THSD4: variants seen among roughly 807,000 people sequenced by gnomAD.
The protein encoded by THSD4 is thrombospondin type 1 domain containing 4, also known as thrombospondin type-1 domain-containing protein 4.
In THSD4, 69 loss-of-function variants were observed where a neutral mutation model predicts 119.0. The observed-to-expected ratio is 0.58, with a 90% CI of 0.48 to 0.71. THSD4 has a LOEUF of 0.71. Among genes scored for constraint, THSD4 ranks in the 30% least tolerant of loss-of-function variants. The pLI is 0.00. For synonymous variants in THSD4, 524 were observed against 540.4 expected (o/e 0.97, Z 0.42); for missense variants, 1,393 against 1,391.1 (o/e 1.00, Z -0.02).
chr15:71,268,338 A>G (rs983592042), intron 6 of THSD4, among the ~76,000 whole-genome samples: 1 of 152,184 alleles, frequency 6.6e-6, no homozygotes, highest in Non-Finnish European at 1.5e-5. Context: ...AAACTGAACA[A>G]CCTTCTCCTG....
At chr15:71,146,859 C>T (rs2040667428) in intron 2 of THSD4, among the ~76,000 whole-genome samples, 1 of 152,184 alleles carries the variant, frequency 6.6e-6, no homozygotes, top group East Asian at 1.9e-4. Context: ...TTTCTTTATG[C>T]CTGGCACAGC....
chr15:71,731,407 A>T, intron 10 of THSD4, 190 bp downstream of exon 10: 1 of 592,802 alleles, frequency 1.7e-6, no homozygotes. Flanking sequence ...CACTGATGAG[A>T]CTGTTTCATT....
chr15:71,419,309 C>T (rs1293215557), intron 7 of THSD4, among the ~76,000 whole-genome samples: 1 of 105,718 alleles, frequency 9.5e-6, no homozygotes, highest in South Asian at 3.0e-4. Flanking sequence ...TCAAGCAGTT[C>T]CCCCAGCTCA....
intron 7 of THSD4, among the ~76,000 whole-genome samples, chr15:71,638,146 G>A (rs2050786766): frequency 6.6e-6 from 1 of 152,330 alleles, no homozygotes; most frequent in Non-Finnish European, 1.5e-5. Context: ...CAAGCTTGGA[G>A]CCACAGTGAA....
At chr15:71,207,359 C>T (rs1045415821) in intron 3 of THSD4, among the ~76,000 whole-genome samples, 1 of 152,204 alleles carries the variant, frequency 6.6e-6, no homozygotes, top group Non-Finnish European at 1.5e-5. Flanking sequence ...TCTTTCTGCC[C>T]TGGGCTCGCT....
At chr15:71,726,359 C>T (rs767095855) in intron 8 of THSD4, among the ~76,000 whole-genome samples, 1 of 152,028 alleles carries the variant, frequency 6.6e-6, no homozygotes, top group African/African-American at 2.4e-5. Flanking sequence ...ATTGTAGGAA[C>T]GCGGCTGAAA....
intron 6 of THSD4, among the ~76,000 whole-genome samples, chr15:71,411,168 A>C (rs1443290382): frequency 6.6e-6 from 1 of 152,192 alleles, no homozygotes; most frequent in Non-Finnish European, 1.5e-5. Flanking sequence ...AAAGCGTGGG[A>C]GGATGTCTAA....
rs1375174935 is a variant in THSD4 at position 71,780,052 on chromosome 15, C to G, written c.*2678C>G. On this transcript the variant is annotated 3_prime_UTR_variant, in exon 18 of 18. Coordinates refer to ENST00000261862, the MANE Select transcript of THSD4 (RefSeq NM_024817.3). ...CATACAATCAGGGCCTTGGGTATTT[C>G]CAGTGATAACTTTCCTTGGAGAGGA... 6.6e-6 allele frequency: 1 copy of G among 152,254 alleles called. No individual in the cohort carries two copies. Among genetic ancestry groups the G allele is most frequent in the Non-Finnish European group, 1.5e-5 (1 of 68,116 alleles). 9.4% of individuals were successfully genotyped at this position (152,254 alleles called of 1,614,324 possible).
chr15:71,329,631 C>T (rs540822314), intron 6 of THSD4, among the ~76,000 whole-genome samples: 16 of 152,304 alleles, frequency 1.1e-4, no homozygotes, highest in African/African-American at 2.4e-4. Context: ...ATTCCCGAGA[C>T]GCCAGCTCTG....
intron 1 of THSD4, among the ~76,000 whole-genome samples, chr15:71,127,239 G>A (rs1339342233): frequency 6.6e-6 from 1 of 152,178 alleles, no homozygotes; most frequent in Non-Finnish European, 1.5e-5. Flanking sequence ...CATCCATGTT[G>A]TAGCATGTAG....
intron 6 of THSD4, among the ~76,000 whole-genome samples, chr15:71,281,028 C>G (rs1470753068): frequency 6.6e-6 from 1 of 152,190 alleles, no homozygotes; most frequent in Admixed American, 6.5e-5. Context: ...TGTGGGTTAG[C>G]AAGTGGATTC....
chr15:71,128,245 C>T (rs1332784230), intron 1 of THSD4, among the ~76,000 whole-genome samples: 2 of 151,778 alleles, frequency 1.3e-5, no homozygotes, highest in East Asian at 3.9e-4. Context: ...AATAGAGTCT[C>T]AGGGACCTGT....
At position 71,306,237 on chromosome 15, in the gene THSD4, C is replaced by G. The variant is rs139408316; in HGVS notation, c.1015+49522C>G. ...AGGAGAATCACTTGAACGTGGGAGG[C>G]AGAAGTTGCAGTGAGCCAAGATTGT... On this transcript the variant is annotated intron_variant, in intron 6 of 17. Coordinates refer to ENST00000261862, the MANE Select transcript of THSD4 (RefSeq NM_024817.3). 5.9e-3 allele frequency among the ~76,000 whole-genome samples: 743 copies of G among 126,044 alleles called. 1 individual carries two copies. The highest frequency in any genetic ancestry group is 0.017 in the Admixed American group (159 of 9,398). 82.7% of individuals were successfully genotyped at this position (126,044 alleles called of 152,430 possible). A position where few individuals can be genotyped will look rare whatever the true frequency, so the allele number is the denominator to read the frequency against.
rs975940791 is a variant in THSD4 at position 71,757,812 on chromosome 15, G to T, written c.2416-90G>T. 2.2e-5 allele frequency: 33 copies of T among 1,534,374 alleles called. 1 individual carries two copies. In the South Asian group the frequency reaches 3.8e-4, roughly 18 times the overall value. On this transcript the variant is annotated intron_variant, in intron 14 of 17. Transcript: ENST00000261862. ...TAGGGGAAACAGACGGCAGGAAAAT[G>T]AAGCATTCCATCCTCCTTTCCATCA... is the stretch of plus-strand genomic sequence containing the variant.
At chr15:71,282,394 A>G (rs1405364339) in intron 6 of THSD4, among the ~76,000 whole-genome samples, 3 of 134,874 alleles carry the variant, frequency 2.2e-5, no homozygotes, top group Non-Finnish European at 4.8e-5. Flanking sequence ...GTTGTAAGAA[A>G]TAAAATTTAA....
chr15:71,752,430 G>A (rs189053308), intron 14 of THSD4, among the ~76,000 whole-genome samples: 33 of 152,304 alleles, frequency 2.2e-4, no homozygotes, highest in Non-Finnish European at 3.5e-4. Context: ...GAACTCTTTC[G>A]TTCGTTTTGG....
rs1234073357 is a variant in THSD4, at chr15:71,748,489, G to A, written c.2310G>A (p.Val770=). 1.2e-6 allele frequency: 2 copies of A among 1,614,214 alleles called. No homozygotes were observed. Among genetic ancestry groups the A allele is most frequent in the Admixed American group, 1.7e-5 (1 of 60,028 alleles). Residue 770 remains valine, a synonymous_variant, in exon 14 of 18, where the codon GTG becomes GTA. Coordinates refer to ENST00000261862, the MANE Select transcript of THSD4 (RefSeq NM_024817.3). ...AGTGTGTGAGCAACATTGGGGATGT[G>A]GTTGACGATGAGGAATGCAACATGA... ...DVKCVSNIGD[V]VDDEECNMKL...
intron 3 of THSD4, among the ~76,000 whole-genome samples, chr15:71,198,211 T>G (rs1333266055): frequency 2.0e-5 from 3 of 152,182 alleles, no homozygotes; most frequent in African/African-American, 7.2e-5. Context: ...CAGTGAGCTA[T>G]GATCACAGTT....
At chr15:71,288,486 C>G (rs975311791) in intron 6 of THSD4, among the ~76,000 whole-genome samples, 1 of 152,104 alleles carries the variant, frequency 6.6e-6, no homozygotes, top group South Asian at 2.1e-4. Flanking sequence ...CTTCTAGGAA[C>G]AAGTGAGGGT....
Sources: allele counts gnomAD v4.1 joint callset (sites outside exome capture counted in the v4.1 genomes callset), GRCh38; gene constraint gnomAD v4.1.1; transcripts MANE v1.5; gene names NCBI Gene and HGNC (gene_info 2026-07-23, HGNC 2026-07-21).